APOL6: variants seen among roughly 807,000 people sequenced by gnomAD.
APOL6 encodes the protein apolipoprotein L, 6.
Under a neutral mutation model 2.4 loss-of-function variants are expected in APOL6, and 1 was observed. The observed-to-expected ratio is 0.41, with a 90% CI of 0.15 to 1.94. The LOEUF is 1.94. Among genes scored for constraint, APOL6 ranks in the 30% most tolerant of loss-of-function variants. The pLI is 0.30. For synonymous variants in APOL6, 189 were observed against 169.3 expected, an observed-to-expected ratio of 1.12 and a Z score of -0.90; for missense variants, 438 against 429.2, an observed-to-expected ratio of 1.02 and a Z score of -0.18.
rs1925007857 is a variant in APOL6, at chr22:35,660,988, TA to T, written c.*1395del. ...TAATGTGGGCCAGATGGCAGAAGCT[TA>T]AATAACACCCCAAGCTACAGGAAGT... On this transcript the variant is annotated 3_prime_UTR_variant, in exon 3 of 3. Transcript: ENST00000409652. 6.6e-6 allele frequency: 1 copy of T among 152,018 alleles called. No individual in the cohort carries two copies. 9.4% of individuals were successfully genotyped at this position (152,018 alleles called of 1,614,324 possible). A position where few individuals can be genotyped will look rare whatever the true frequency, so the allele number is the denominator to read the frequency against.
At position 35,661,857 on chromosome 22, in the gene APOL6, C is replaced by G. The variant is rs1439560625; in HGVS notation, c.*2261C>G. 1 of 152,132 alleles carries G rather than the reference C, an allele frequency of 6.6e-6. No individual in the cohort carries two copies. Among genetic ancestry groups the G allele is most frequent in the Admixed American group, 6.5e-5 (1 of 15,280 alleles). 9.4% of individuals were successfully genotyped at this position (152,132 alleles called of 1,614,324 possible). A position where few individuals can be genotyped will look rare whatever the true frequency, so the allele number is the denominator to read the frequency against. ...AAAATGCATATTAAAACATTTTCTT[C>G]CTTCAGTATATTAGGCAATAGGAAT... On this transcript the variant is annotated 3_prime_UTR_variant, in exon 3 of 3. Coordinates refer to ENST00000409652, the MANE Select transcript of APOL6 (RefSeq NM_030641.4).
At chr22:35,653,807 T>C (rs1246647497) in intron 1 of APOL6, among the ~76,000 whole-genome samples, 1 of 152,216 alleles carries the variant, frequency 6.6e-6, no homozygotes, top group African/African-American at 2.4e-5. Context: ...ATTCTGACAC[T>C]ATCTCCTTGG....
chr22:35,659,834 C>G lies in APOL6; in HGVS notation c.*238C>G, dbSNP rs552694820. 1.9e-5 allele frequency: 11 copies of G among 577,368 alleles called. No individual in the cohort carries two copies. The Middle Eastern group carries it at 1.5e-3, about 76-fold the overall frequency. 35.8% of individuals were successfully genotyped at this position (577,368 alleles called of 1,614,324 possible). On this transcript the variant is annotated 3_prime_UTR_variant, in exon 3 of 3. Coordinates refer to ENST00000409652, the MANE Select transcript of APOL6 (RefSeq NM_030641.4). ...AGGCTGGAGTGCAGTGGCGTAATCT[C>G]GGCTCACTGCAACCTCTGCCTCCTG...
At position 35,659,766 on chromosome 22, in the gene APOL6, T is replaced by C; in HGVS notation, c.*170T>C. On this transcript the variant is annotated 3_prime_UTR_variant, in exon 3 of 3. Transcript: ENST00000409652. ...AAAGGGTCTTCCCTGTTTGTTTGTT[T>C]GTTTGTTTGTTTGTTTGTTTTGAGA... 7 of 1,092,444 alleles carry C rather than the reference T, an allele frequency of 6.4e-6. No homozygotes were observed. In the South Asian group the frequency reaches 1.2e-4, roughly 19 times the overall value. 67.7% of individuals were successfully genotyped at this position (1,092,444 alleles called of 1,614,324 possible).
intron 1 of APOL6, among the ~76,000 whole-genome samples, chr22:35,649,830 A>G (rs1924642331): frequency 6.6e-6 from 1 of 152,142 alleles, no homozygotes; most frequent in African/African-American, 2.4e-5. Context: ...GTCATGTTCA[A>G]CCAGGTGATC....
chr22:35,659,312 G>A lies in APOL6; in HGVS notation c.748G>A (p.Ala250Thr). 2 of 1,614,066 alleles carry A rather than the reference G, an allele frequency of 1.2e-6. No homozygotes were observed. Among genetic ancestry groups the A allele is most frequent in the South Asian group, 2.2e-5 (2 of 91,082 alleles). ...CGCCTTCTCCCTTGGCTATGACTTG[G>A]CCACTCTCTCAAAGGAATGGAAGCA... is the stretch of plus-strand genomic sequence containing the variant. ...MSAFSLGYDL[A>T]TLSKEWKHLK... Residue 250 changes from alanine (A) to threonine (T), a missense_variant, in exon 3 of 3, where the codon GCC (alanine) becomes ACC (threonine). Physicochemically the swap from Ala to Thr is moderately conservative, Grantham distance 58. Coordinates refer to ENST00000409652, the MANE Select transcript of APOL6 (RefSeq NM_030641.4).
chr22:35,656,415 C>T lies in APOL6; in HGVS notation c.-11C>T, dbSNP rs1223252045. On this transcript the variant is annotated 5_prime_UTR_variant, in exon 2 of 3. Coordinates refer to ENST00000409652, the MANE Select transcript of APOL6 (RefSeq NM_030641.4). ...ACTCCTGGGGACACAGATTTGCTGC[C>T]ACAGAGGCTGATGGACAACCAGGCG... 5.0e-6 allele frequency: 8 copies of T among 1,614,036 alleles called. No individual in the cohort carries two copies. Among genetic ancestry groups the T allele is most frequent in the African/African-American group, 2.7e-5 (2 of 75,024 alleles).
intron 2 of APOL6, among the ~76,000 whole-genome samples, chr22:35,657,543 G>A (rs1924878083): frequency 6.6e-6 from 1 of 152,160 alleles, no homozygotes; most frequent in Admixed American, 6.5e-5. Context: ...CAACTGACAG[G>A]TGAGAGGAAA....
Position 35,660,061 on chromosome 22 carries a change from C to A in APOL6, c.*465C>A. ...GGATTACAAGCGTGAGCTACCCTGC[C>A]CAGCCGGGTCTTCCCAGTTTTAACA... is the stretch of plus-strand genomic sequence containing the variant. On this transcript the variant is annotated 3_prime_UTR_variant, in exon 3 of 3. Coordinates refer to ENST00000409652, the MANE Select transcript of APOL6 (RefSeq NM_030641.4). The A allele has an allele frequency of 6.2e-6, 1 of 160,004 alleles. No individual in the cohort carries two copies. The highest frequency in any genetic ancestry group is 1.4e-5 in the Non-Finnish European group (1 of 71,918). The allele number at this position is 160,004 out of a possible 1,614,324, so 9.9% of individuals were successfully genotyped here.
intron 1 of APOL6, among the ~76,000 whole-genome samples, chr22:35,651,460 A>G (rs912191164): frequency 6.6e-6 from 1 of 152,130 alleles, no homozygotes; most frequent in Non-Finnish European, 1.5e-5. Flanking sequence ...TCACCCGGAG[A>G]AATGTATACA....
In APOL6 at chr22:35,648,587, G is replaced by A. The variant is rs1289963844; in HGVS notation, c.-84G>A. 1 of 152,238 alleles carries A rather than the reference G, an allele frequency of 6.6e-6. No individual in the cohort carries two copies. The highest frequency in any genetic ancestry group is 1.5e-5 in the Non-Finnish European group (1 of 68,102). The allele number at this position is 152,238 out of a possible 1,614,324, so 9.4% of individuals were successfully genotyped here. On this transcript the variant is annotated 5_prime_UTR_variant, in exon 1 of 3. Coordinates refer to ENST00000409652, the MANE Select transcript of APOL6 (RefSeq NM_030641.4). ...GGTTCAGGATCTTCCTCTCCCTCGGGACCCAAGGCCACAAAGGAGAGCTCC... is the reference window on the plus strand; with the variant it reads ...GGTTCAGGATCTTCCTCTCCCTCGGAACCCAAGGCCACAAAGGAGAGCTCC...
In APOL6 at chr22:35,659,808, C is replaced by A; in HGVS notation, c.*212C>A. ...GTTTTGAGACAGGGTCTCTGTTGCC[C>A]AGGCTGGAGTGCAGTGGCGTAATCT... On this transcript the variant is annotated 3_prime_UTR_variant, in exon 3 of 3. Coordinates refer to ENST00000409652, the MANE Select transcript of APOL6 (RefSeq NM_030641.4). The A allele has an allele frequency of 1.2e-6, 1 of 815,732 alleles. No homozygotes were observed. Among genetic ancestry groups the A allele is most frequent in the Non-Finnish European group, 1.8e-6 (1 of 541,776 alleles). 50.5% of individuals were successfully genotyped at this position (815,732 alleles called of 1,614,324 possible).
rs1925155713 is a variant in APOL6 at position 35,665,631 on chromosome 22, T to C, written c.*6035T>C. Reference sequence around the variant, plus strand: ...AAAGGTTATAAAAGGCTTATGGAAGTTATATTTTATAATCAAGATTAAATC... The same window carrying C: ...AAAGGTTATAAAAGGCTTATGGAAGCTATATTTTATAATCAAGATTAAATC... On this transcript the variant is annotated 3_prime_UTR_variant, in exon 3 of 3. Coordinates refer to ENST00000409652, the MANE Select transcript of APOL6 (RefSeq NM_030641.4). The C allele has an allele frequency of 6.6e-6, 1 of 152,222 alleles. No homozygotes were observed. The highest frequency in any genetic ancestry group is 2.1e-4 in the South Asian group (1 of 4,818). The allele number at this position is 152,222 out of a possible 1,614,324, so 9.4% of individuals were successfully genotyped here.
chr22:35,651,551 C>T (rs1418175303), intron 1 of APOL6, among the ~76,000 whole-genome samples: 4 of 152,130 alleles, frequency 2.6e-5, no homozygotes, highest in Admixed American at 2.0e-4. Flanking sequence ...TCCCCACTCC[C>T]CCCACCCCAC....
chr22:35,658,408 T>G (rs186939304), intron 2 of APOL6, among the ~76,000 whole-genome samples: 31 of 152,330 alleles, frequency 2.0e-4, no homozygotes, highest in Admixed American at 1.8e-3. Flanking sequence ...TCCTTCCACA[T>G]GCCCCTCTTA....
chr22:35,648,903 T>C (rs1924616315), intron 1 of APOL6, among the ~76,000 whole-genome samples: 1 of 152,212 alleles, frequency 6.6e-6, no homozygotes, highest in Admixed American at 6.5e-5. Context: ...GTCCCTCCAC[T>C]GCTGGGGATC....
In APOL6 at chr22:35,660,460, A is replaced by G. The variant is rs1924991983; in HGVS notation, c.*864A>G. ...TGAAACAATAAATTTCTGTGGTGTA[A>G]GCAACTCAATCTATAGTAGTTTGTT... On this transcript the variant is annotated 3_prime_UTR_variant, in exon 3 of 3. Transcript: ENST00000409652. 6.6e-6 allele frequency: 1 copy of G among 152,268 alleles called. No individual in the cohort carries two copies. The highest frequency in any genetic ancestry group is 6.5e-5 in the Admixed American group (1 of 15,286). 9.4% of individuals were successfully genotyped at this position (152,268 alleles called of 1,614,324 possible).
At chr22:35,657,231 C>T (rs1924869321) in intron 2 of APOL6, among the ~76,000 whole-genome samples, 1 of 152,174 alleles carries the variant, frequency 6.6e-6, no homozygotes, top group Non-Finnish European at 1.5e-5. Flanking sequence ...GGTGGGCTAA[C>T]CTATGGCATC....
At chr22:35,655,870 T>A (rs2145955680) in intron 1 of APOL6, among the ~76,000 whole-genome samples, 1 of 152,278 alleles carries the variant, frequency 6.6e-6, no homozygotes, top group South Asian at 2.1e-4. Context: ...CAATGAACAG[T>A]ACATTTTTAG....
Sources: gnomAD v4.1 joint callset for allele counts (sites outside exome capture counted in the v4.1 genomes callset) on GRCh38, gnomAD v4.1.1 for gene constraint, MANE v1.5 for transcripts, NCBI Gene and HGNC (gene_info 2026-07-23, HGNC 2026-07-21) for gene names.